Variants in PLCE1 observed in about 807,000 individuals in gnomAD.
The protein encoded by PLCE1 is phospholipase C epsilon 1.
PLCE1 carries 119 observed loss-of-function variants against 242.8 expected under a neutral mutation model. The ratio of observed to expected loss-of-function variants is 0.49; its 90% confidence interval spans 0.42 to 0.57. The LOEUF is 0.57. Among genes scored for constraint, PLCE1 ranks in the 20% least tolerant of loss-of-function variants. PLCE1 has a pLI of 0.00. For synonymous variants in PLCE1, 945 were observed against 1,017.4 expected (o/e 0.93, Z 1.35); for missense variants, 2,441 against 2,788.8 (o/e 0.88, Z 2.81).
intron 3 of PLCE1, among the ~76,000 whole-genome samples, chr10:94,145,163 A>G (rs1441732157): frequency 1.3e-5 from 2 of 152,246 alleles, no homozygotes; most frequent in African/African-American, 4.8e-5. Context: ...GGTCATGGAT[A>G]TTGAACTTGA....
intron 1 of PLCE1, among the ~76,000 whole-genome samples, chr10:94,005,102 C>T (rs2061007978): frequency 6.6e-6 from 1 of 152,190 alleles, no homozygotes; most frequent in African/African-American, 2.4e-5. Context: ...CATCCTCGTT[C>T]CTTCCTTTTT....
At chr10:94,095,733 C>A (rs1369426329) in intron 2 of PLCE1, among the ~76,000 whole-genome samples, 1 of 152,134 alleles carries the variant, frequency 6.6e-6, no homozygotes, top group African/African-American at 2.4e-5. Flanking sequence ...CCTTAATACT[C>A]CCAGAAAACC....
intron 17 of PLCE1, among the ~76,000 whole-genome samples, chr10:94,269,344 C>T (rs551316409): frequency 5.9e-5 from 9 of 151,962 alleles, no homozygotes; most frequent in South Asian, 2.1e-4. Flanking sequence ...TCAAGTGCTC[C>T]GCCCGCCCCT....
At position 94,327,976 on chromosome 10, in the gene PLCE1, C is replaced by A. The variant is rs2054094911; in HGVS notation, c.*33C>A. On this transcript the variant is annotated 3_prime_UTR_variant, in exon 33 of 33. Coordinates refer to ENST00000371380, the MANE Select transcript of PLCE1 (RefSeq NM_016341.4). ...TGTATACAACATTACAGGTGAAGAT[C>A]TTTAAGCAAGAAGTTAAAGAGTGAA... is the stretch of plus-strand genomic sequence containing the variant. 3.8e-6 allele frequency: 2 copies of A among 532,478 alleles called. No individual in the cohort carries two copies. Among genetic ancestry groups the A allele is most frequent in the African/African-American group, 3.9e-5 (2 of 51,926 alleles). 33.0% of individuals were successfully genotyped at this position (532,478 alleles called of 1,614,324 possible).
intron 19 of PLCE1, chr10:94,279,398 A>G (rs576020394): frequency 3.8e-6 from 1 of 260,818 alleles, no homozygotes; most frequent in East Asian, 9.9e-5. Flanking sequence ...AGGGGAAAAA[A>G]TGGTTTCTTA....
At chr10:93,994,725 G>C (rs2060787255) in intron 1 of PLCE1, among the ~76,000 whole-genome samples, 1 of 152,226 alleles carries the variant, frequency 6.6e-6, no homozygotes, top group African/African-American at 2.4e-5. Context: ...TAATGCTACA[G>C]TAATAAATAC....
intron 2 of PLCE1, among the ~76,000 whole-genome samples, chr10:94,038,774 G>A (rs901064339): frequency 6.6e-6 from 1 of 152,050 alleles, no homozygotes; most frequent in Non-Finnish European, 1.5e-5. Context: ...ACAATTCAGT[G>A]GTTTTAAATA....
chr10:94,185,910 T>C (rs991298353), intron 4 of PLCE1, among the ~76,000 whole-genome samples: 1 of 152,246 alleles, frequency 6.6e-6, no homozygotes, highest in African/African-American at 2.4e-5. Context: ...ATTCACCAAA[T>C]GTAAGAATCC....
In PLCE1 at chr10:94,220,376, T is replaced by TATATATA. The variant is rs2049686957; in HGVS notation, c.1810-6930_1810-6929insATATATA. 1.4e-3 allele frequency among the ~76,000 whole-genome samples: 85 copies of TATATATA among 61,900 alleles called. 1 individual carries two copies. The highest frequency in any genetic ancestry group is 3.9e-3 in the African/African-American group (62 of 15,980). The allele number at this position is 61,900 out of a possible 152,430, so 40.6% of individuals were successfully genotyped here. A position where few individuals can be genotyped will look rare whatever the true frequency, so the allele number is the denominator to read the frequency against. On this transcript the variant is annotated intron_variant, in intron 4 of 32. Transcript: ENST00000371380. ...AATAAAAGCTTAAAAACTAAACATT[T>TATATATA]TATATATATATATATATATATATAT...
chr10:94,132,408 A>T lies in PLCE1; in HGVS notation c.1441A>T (p.Ser481Cys). Residue 481 changes from serine to cysteine, a missense_variant, in exon 3 of 33, where the codon AGT becomes TGT. Coordinates refer to ENST00000371380, the MANE Select transcript of PLCE1 (RefSeq NM_016341.4). ...AGCAACCACGTCTTTGGGAGCAAGA[A>T]GTGGCCTTCTCAGTACTTTTGGAGG... Reference protein sequence around the residue: ...LEATTSLGARSGLLSTFGGST... With the variant: ...LEATTSLGARCGLLSTFGGST... 6.2e-7 allele frequency: 1 copy of T among 1,614,118 alleles called. No homozygotes were observed. The highest frequency in any genetic ancestry group is 8.5e-7 in the Non-Finnish European group (1 of 1,179,956).
intron 3 of PLCE1, among the ~76,000 whole-genome samples, chr10:94,154,387 A>C (rs2047364713): frequency 6.6e-6 from 1 of 152,222 alleles, no homozygotes. Context: ...ATAGAGGAAA[A>C]GCTTCACGAC....
At chr10:94,020,323 C>A (rs1323561873) in intron 1 of PLCE1, among the ~76,000 whole-genome samples, 1 of 152,080 alleles carries the variant, frequency 6.6e-6, no homozygotes, top group African/African-American at 2.4e-5. Context: ...TTATTCAAAC[C>A]TTTGCCCATT....
chr10:94,078,497 T>C (rs2135201257), intron 2 of PLCE1, among the ~76,000 whole-genome samples: 1 of 152,204 alleles, frequency 6.6e-6, no homozygotes, highest in Non-Finnish European at 1.5e-5. Flanking sequence ...TTGCTCATTT[T>C]TTTTTTTTGA....
chr10:94,279,989 C>A, intron 20 of PLCE1, 78 bp downstream of exon 20: 1 of 1,469,882 alleles, frequency 6.8e-7, no homozygotes, highest in Non-Finnish European at 9.5e-7. Flanking sequence ...TAAAATAAGT[C>A]TAGAGCGCCA....
chr10:94,045,652 T>A (rs2061866701), intron 2 of PLCE1, among the ~76,000 whole-genome samples: 3 of 152,236 alleles, frequency 2.0e-5, no homozygotes, highest in Non-Finnish European at 4.4e-5. Context: ...AGGTTCTCTG[T>A]TGATGTTGGC....
At chr10:94,200,543 G>C (rs1348113191) in intron 4 of PLCE1, among the ~76,000 whole-genome samples, 1 of 152,148 alleles carries the variant, frequency 6.6e-6, no homozygotes, top group Non-Finnish European at 1.5e-5. Flanking sequence ...AAATGAAAGA[G>C]AATAGACAAA....
intron 4 of PLCE1, among the ~76,000 whole-genome samples, chr10:94,210,445 G>A (rs931119101): frequency 1.3e-5 from 2 of 152,000 alleles, no homozygotes; most frequent in East Asian, 1.9e-4. Flanking sequence ...ACACACCCCC[G>A]AAATTTTTTA....
At chr10:94,244,595 T>C (rs367643499) in intron 7 of PLCE1, among the ~76,000 whole-genome samples, 5 of 152,346 alleles carry the variant, frequency 3.3e-5, no homozygotes, top group African/African-American at 1.2e-4. Context: ...TGTGTATACC[T>C]ACACACATGC....
intron 4 of PLCE1, among the ~76,000 whole-genome samples, chr10:94,201,427 A>C (rs964036266): frequency 4.6e-5 from 7 of 152,326 alleles, no homozygotes; most frequent in Non-Finnish European, 8.8e-5. Context: ...AGGTTGCAGC[A>C]TTTGCCCCAC....
Sources: gnomAD v4.1 joint callset for allele counts (sites outside exome capture counted in the v4.1 genomes callset) on GRCh38, gnomAD v4.1.1 for gene constraint, MANE v1.5 for transcripts, NCBI Gene and HGNC (gene_info 2026-07-23, HGNC 2026-07-21) for gene names.